The following DMD variants were observed in gnomAD, a reference collection of about 807,000 sequenced individuals.
DMD encodes mutant dystrophin.
In DMD, 63 loss-of-function variants were observed where a neutral mutation model predicts 330.1. The ratio of observed to expected loss-of-function variants is 0.19; its 90% CI spans 0.16 to 0.24. The LOEUF is 0.24. DMD is among the 10% of genes least tolerant of loss of function. The probability of loss-of-function intolerance (pLI) is 1.00; values close to 1 mark genes in which losing one functional copy is unlikely to be tolerated. For synonymous variants in DMD, 1,223 were observed against 959.8 expected (o/e 1.27, Z -5.07); for missense variants, 3,344 against 2,684.1 (o/e 1.25, Z -5.43).
chrX:32,938,671 A>C (rs772901850), intron 2 of DMD, among the ~76,000 whole-genome samples: 4 of 111,637 alleles, frequency 3.6e-5, no homozygotes, highest in African/African-American at 1.3e-4. Flanking sequence ...TACTTGGATA[A>C]TTGAAAAGTA....
intron 2 of DMD, among the ~76,000 whole-genome samples, chrX:32,927,056 CTAAA>C (rs1483803630): frequency 1.8e-5 from 2 of 111,395 alleles, no homozygotes; most frequent in Admixed American, 1.9e-4. Flanking sequence ...GCTGTAATCA[CTAAA>C]TAAATAAATT....
intron 44 of DMD, among the ~76,000 whole-genome samples, chrX:32,039,730 A>C (rs2095983786): frequency 8.9e-6 from 1 of 112,021 alleles, no homozygotes; most frequent in African/African-American, 3.2e-5. Context: ...TGTTCCTGAA[A>C]TAGATCTCAA....
chrX:32,406,715 T>C (rs988459128), intron 30 of DMD, among the ~76,000 whole-genome samples: 5 of 110,863 alleles, frequency 4.5e-5, no homozygotes, highest in African/African-American at 1.6e-4. Context: ...TAAAATTCTC[T>C]TTTTCTGTAT....
chrX:31,486,288 T>C (rs2068800222), intron 57 of DMD, among the ~76,000 whole-genome samples: 1 of 112,360 alleles, frequency 8.9e-6, no homozygotes, highest in East Asian at 2.8e-4. Flanking sequence ...GTTAGAACAC[T>C]AGAGTGTGTT....
At chrX:31,489,777 A>T (rs1016724548) in intron 57 of DMD, among the ~76,000 whole-genome samples, 2 of 112,139 alleles carry the variant, frequency 1.8e-5, no homozygotes, top group African/African-American at 6.5e-5. Context: ...AATCAAGGGG[A>T]TCATTTGTAA....
intron 10 of DMD, 60 bp downstream of exon 10, chrX:32,644,904 G>T: frequency 8.7e-7 from 1 of 1,149,836 alleles, no homozygotes; most frequent in Non-Finnish European, 1.2e-6. Flanking sequence ...GAGGAAAAAG[G>T]ATGACTTGCC....
intron 44 of DMD, among the ~76,000 whole-genome samples, chrX:32,199,413 C>T (rs1327520270): frequency 9.0e-6 from 1 of 110,835 alleles, no homozygotes; most frequent in African/African-American, 3.3e-5. Flanking sequence ...AGTTAGTTTT[C>T]ACTGAGTGCT....
chrX:32,914,786 A>G (rs1017804509), intron 2 of DMD, among the ~76,000 whole-genome samples: 6 of 112,688 alleles, frequency 5.3e-5, no homozygotes, highest in African/African-American at 1.6e-4. Context: ...ATGAGTCCCA[A>G]ATATCTTTTT....
At chrX:31,698,510 AAC>A (rs2083587668) in intron 52 of DMD, among the ~76,000 whole-genome samples, 1 of 112,001 alleles carries the variant, frequency 8.9e-6, no homozygotes, top group South Asian at 3.7e-4. Flanking sequence ...ACATATAAGG[AAC>A]TGAGGAAAGT....
chrX:31,905,690 G>A (rs2094470037), intron 47 of DMD, among the ~76,000 whole-genome samples: 1 of 110,784 alleles, frequency 9.0e-6, no homozygotes, highest in African/African-American at 3.3e-5. Context: ...GAGAGGGTGA[G>A]ATGAAAGTGT....
At chrX:32,134,816 G>C (rs927280002) in intron 44 of DMD, among the ~76,000 whole-genome samples, 1 of 111,430 alleles carries the variant, frequency 9.0e-6, no homozygotes, top group African/African-American at 3.3e-5. Context: ...CAGAAAATAG[G>C]GTATATGTGA....
chrX:32,237,111 G>A (rs1018749281), intron 43 of DMD, among the ~76,000 whole-genome samples: 1 of 110,764 alleles, frequency 9.0e-6, no homozygotes, highest in African/African-American at 3.3e-5. Context: ...GCTTTGTGCT[G>A]TTGCTTAAGG....
intron 52 of DMD, among the ~76,000 whole-genome samples, chrX:31,683,758 A>G (rs2082519380): frequency 8.9e-6 from 1 of 112,280 alleles, no homozygotes; most frequent in Non-Finnish European, 1.9e-5. Context: ...GAACATGGAA[A>G]AGAAAGATTT....
intron 55 of DMD, among the ~76,000 whole-genome samples, chrX:31,597,513 G>C (rs1725000687): frequency 9.0e-6 from 1 of 111,668 alleles, no homozygotes; most frequent in African/African-American, 3.3e-5. Flanking sequence ...GGTGTCCGCA[G>C]TAGACCACTT....
chrX:32,518,179 T>G (rs1003744539), intron 17 of DMD, 48 bp from the exon 18 acceptor site: 2 of 1,152,603 alleles, frequency 1.7e-6, no homozygotes, highest in African/African-American at 3.6e-5. Context: ...TATCTCTTTC[T>G]TCTATATTAA....
chrX:31,770,849 T>C (rs1204766159), intron 51 of DMD, among the ~76,000 whole-genome samples: 2 of 62,777 alleles, frequency 3.2e-5, no homozygotes, highest in Non-Finnish European at 6.1e-5. Flanking sequence ...TGGCATATCA[T>C]ATGTGTTAGC....
At chrX:32,304,059 C>G (rs950009755) in intron 42 of DMD, among the ~76,000 whole-genome samples, 1 of 111,420 alleles carries the variant, frequency 9.0e-6, no homozygotes, top group Non-Finnish European at 1.9e-5. Flanking sequence ...AACACAGCTA[C>G]GTATTTGGAC....
At chrX:32,013,720 G>A (rs1208559853) in intron 44 of DMD, among the ~76,000 whole-genome samples, 3 of 111,917 alleles carry the variant, frequency 2.7e-5, no homozygotes, top group Non-Finnish European at 5.6e-5. Context: ...TATTGATCAC[G>A]TCTAAATTAG....
chrX:31,470,312 A>G (rs1274083633), intron 59 of DMD, among the ~76,000 whole-genome samples: 1 of 111,299 alleles, frequency 9.0e-6, no homozygotes, highest in Non-Finnish European at 1.9e-5. Context: ...TCGTGGATTT[A>G]TCTACCTTTG....
Sources: gnomAD v4.1 joint callset for allele counts (sites outside exome capture counted in the v4.1 genomes callset) on GRCh38, gnomAD v4.1.1 for gene constraint, MANE v1.5 for transcripts, NCBI Gene and HGNC (gene_info 2026-07-23, HGNC 2026-07-21) for gene names.